SLC14A2: variants seen among roughly 807,000 people sequenced by gnomAD.
SLC14A2 encodes the protein urea transporter 2.
SLC14A2 carries 91 observed loss-of-function variants against 104.6 expected under a neutral mutation model. The ratio of observed to expected loss-of-function variants is 0.87; its 90% CI spans 0.73 to 1.04. SLC14A2 has a LOEUF of 1.04. Among genes scored for constraint, SLC14A2 ranks in the 50% least tolerant of loss-of-function variants. The probability of loss-of-function intolerance (pLI) is 0.00; values close to 1 mark genes in which losing one functional copy is unlikely to be tolerated. For missense variants in SLC14A2, 1,189 were observed against 1,156.0 expected (o/e 1.03, Z -0.41); for synonymous variants, 476 against 466.4 (o/e 1.02, Z -0.27).
Position 45,673,055 on chromosome 18 carries a change from T to G in SLC14A2, c.2377+8T>G. The G allele has an allele frequency of 6.2e-7, 1 of 1,613,352 alleles. No homozygotes were observed. Among genetic ancestry groups the G allele is most frequent in the Non-Finnish European group, 8.5e-7 (1 of 1,179,538 alleles). Reference sequence around the variant, plus strand: ...CCATGGGGATGCTAGCAGGTCTGTGTCCTCACTTCCCTGGGCTGTGAGGGG... The same window carrying G: ...CCATGGGGATGCTAGCAGGTCTGTGGCCTCACTTCCCTGGGCTGTGAGGGG... On this transcript the variant is annotated splice_region_variant and intron_variant, in intron 17 of 19. Transcript: ENST00000255226.
At chr18:45,492,436 G>A (rs1598908974) in intron 2 of SLC14A2, among the ~76,000 whole-genome samples, 1 of 152,184 alleles carries the variant, frequency 6.6e-6, no homozygotes, top group African/African-American at 2.4e-5. Flanking sequence ...ATGGCAGCAA[G>A]TGAGAGAGAG....
chr18:45,247,687 CT>C (rs2073186871), intron 1 of SLC14A2, among the ~76,000 whole-genome samples: 1 of 149,688 alleles, frequency 6.7e-6, no homozygotes, highest in Non-Finnish European at 1.5e-5. Context: ...GTTGGTTATT[CT>C]GTTAATGTAG....
intron 1 of SLC14A2, among the ~76,000 whole-genome samples, chr18:45,407,064 GC>G (rs1362713688): frequency 2.6e-5 from 4 of 151,838 alleles, no homozygotes; most frequent in Admixed American, 1.3e-4. Context: ...GTCCTTTGAA[GC>G]TTTGAAGCCA....
chr18:45,245,735 C>T (rs2084362093), intron 1 of SLC14A2, among the ~76,000 whole-genome samples: 1 of 152,182 alleles, frequency 6.6e-6, no homozygotes, highest in Admixed American at 6.5e-5. Context: ...CACAATTTAA[C>T]TCATCATTCC....
intron 2 of SLC14A2, among the ~76,000 whole-genome samples, chr18:45,593,298 C>G (rs1049271776): frequency 1.3e-5 from 2 of 150,124 alleles, no homozygotes; most frequent in African/African-American, 4.9e-5. Context: ...GCCTGGGCGA[C>G]AGAGCAAGAC....
chr18:45,382,675 A>G (rs544242051), intron 1 of SLC14A2, among the ~76,000 whole-genome samples: 1 of 152,330 alleles, frequency 6.6e-6, no homozygotes, highest in South Asian at 2.1e-4. Flanking sequence ...TCTTAGGCTG[A>G]ATCTCTCTAT....
chr18:45,559,201 C>T (rs192215386), intron 2 of SLC14A2, among the ~76,000 whole-genome samples: 41 of 152,158 alleles, frequency 2.7e-4, no homozygotes, highest in Middle Eastern at 3.4e-3. Flanking sequence ...AGATGAGATA[C>T]GTAAGCAGCC....
intron 1 of SLC14A2, among the ~76,000 whole-genome samples, chr18:45,395,291 C>T (rs1357212041): frequency 6.6e-6 from 1 of 152,162 alleles, no homozygotes; most frequent in Non-Finnish European, 1.5e-5. Flanking sequence ...GAAGGACAAA[C>T]ATTATGTGAT....
chr18:45,663,713 C>CG, intron 10 of SLC14A2, 72 bp from the exon 11 acceptor site: 1 of 1,539,078 alleles, frequency 6.5e-7, no homozygotes, highest in Non-Finnish European at 8.8e-7. Flanking sequence ...TGATTTTTCC[C>CG]AGCTCTCTGC....
At chr18:45,233,203 G>A (rs1480746087) in intron 1 of SLC14A2, among the ~76,000 whole-genome samples, 5 of 152,180 alleles carry the variant, frequency 3.3e-5, no homozygotes, top group Non-Finnish European at 7.3e-5. Context: ...GAACCTGAGT[G>A]AACATCTTCC....
At chr18:45,383,209 T>A (rs2085857355) in intron 1 of SLC14A2, among the ~76,000 whole-genome samples, 1 of 152,164 alleles carries the variant, frequency 6.6e-6, no homozygotes, top group Non-Finnish European at 1.5e-5. Flanking sequence ...GTCTCCTGAT[T>A]CAAATACAGT....
chr18:45,231,902 A>G (rs752905792), intron 1 of SLC14A2, among the ~76,000 whole-genome samples: 4 of 152,186 alleles, frequency 2.6e-5, no homozygotes, highest in African/African-American at 9.7e-5. Flanking sequence ...ATAAATAAGT[A>G]TGTGTGTGAA....
At chr18:45,576,541 C>T (rs2852294) in intron 2 of SLC14A2, among the ~76,000 whole-genome samples, 55,555 of 151,290 alleles carry the variant, frequency 0.37, 10,547 homozygotes, top group Non-Finnish European at 0.41. Flanking sequence ...CCTCGGCCTC[C>T]CAAAGTGCAG....
intron 18 of SLC14A2, among the ~76,000 whole-genome samples, chr18:45,674,976 G>A (rs2046202950): frequency 2.0e-5 from 3 of 152,206 alleles, no homozygotes; most frequent in Admixed American, 2.0e-4. Flanking sequence ...TCAACTGCGT[G>A]TAAAAGACAA....
intron 1 of SLC14A2, among the ~76,000 whole-genome samples, chr18:45,222,960 G>A (rs1160544767): frequency 3.9e-5 from 6 of 152,112 alleles, no homozygotes; most frequent in African/African-American, 1.4e-4. Flanking sequence ...CAGGGCCTCA[G>A]GCACCCCATC....
chr18:45,185,917 G>C, the SLC14A2 span, among the ~76,000 whole-genome samples: 1 of 152,118 alleles, frequency 6.6e-6, no homozygotes, highest in Non-Finnish European at 1.5e-5. Flanking sequence ...GCTTAAGTTT[G>C]ATGAAAATAA....
chr18:45,677,897 C>T (rs1472620253), intron 18 of SLC14A2, among the ~76,000 whole-genome samples: 1 of 152,228 alleles, frequency 6.6e-6, no homozygotes, highest in Admixed American at 6.5e-5. Context: ...TAGTTCATTG[C>T]AGCCTCAAAC....
intron 1 of SLC14A2, among the ~76,000 whole-genome samples, chr18:45,293,954 CAAAT>C (rs1171006086): frequency 1.3e-5 from 2 of 152,224 alleles, no homozygotes; most frequent in East Asian, 1.9e-4. Context: ...AGATGCGAAA[CAAAT>C]AACAGCTTGT....
chr18:45,660,941 A>G (rs1005136355), intron 10 of SLC14A2, among the ~76,000 whole-genome samples: 4 of 152,184 alleles, frequency 2.6e-5, no homozygotes, highest in African/African-American at 9.7e-5. Flanking sequence ...CCCCTCTTCC[A>G]TTCTCAACTC....
Sources: allele counts gnomAD v4.1 joint callset (sites outside exome capture counted in the v4.1 genomes callset), GRCh38; gene constraint gnomAD v4.1.1; transcripts MANE v1.5; gene names NCBI Gene and HGNC (gene_info 2026-07-23, HGNC 2026-07-21).